ARID1B: variants seen among roughly 807,000 people sequenced by gnomAD.
ARID1B encodes the protein AT-rich interactive domain-containing protein 1B.
A neutral mutation model predicts 212.3 loss-of-function variants in ARID1B; 30 were observed. The observed-to-expected ratio is 0.14, with a 90% CI of 0.11 to 0.19. The LOEUF (loss-of-function observed/expected upper bound fraction) is 0.19, where lower values mean the gene tolerates loss of function less well. ARID1B is among the 10% of genes least tolerant of loss of function. The probability of loss-of-function intolerance (pLI) is 1.00; values close to 1 mark genes in which losing one functional copy is unlikely to be tolerated. For synonymous variants in ARID1B, 1,402 were observed against 1,301.7 expected (o/e 1.08, Z -1.66); for missense variants, 2,891 against 3,204.0 (o/e 0.90, Z 2.36).
At chr6:156,800,081 T>G (rs1227297106) in intron 1 of ARID1B, among the ~76,000 whole-genome samples, 3 of 152,226 alleles carry the variant, frequency 2.0e-5, no homozygotes, top group African/African-American at 7.2e-5. Flanking sequence ...AGCGTATTTC[T>G]TCTTTTGATG....
intron 4 of ARID1B, among the ~76,000 whole-genome samples, chr6:156,982,705 TA>T (rs1777679458): frequency 6.6e-6 from 1 of 152,178 alleles, no homozygotes; most frequent in South Asian, 2.1e-4. Context: ...TTATATTTTT[TA>T]ATTCAAAGTG....
intron 4 of ARID1B, chr6:156,939,213 G>A (rs1481326976): frequency 1.3e-5 from 2 of 152,038 alleles, no homozygotes; most frequent in East Asian, 1.9e-4. Flanking sequence ...TAGCTTTCAC[G>A]ACCTCTAATA....
rs587779744 is a variant in ARID1B at position 156,778,292 on chromosome 6, A to ACAGCAGCAGCAGCAG, written c.621_635dup (p.Gln210_Gln214dup). ...TCCAGCAGCAGCAGCAGCAGCAGCA[A>ACAGCAGCAGCAGCAG]CAGCAGCAGCAGCAGCAGCAGCAAC... On this transcript the variant is annotated inframe_insertion, in exon 1 of 20. Coordinates refer to ENST00000636930, the MANE Select transcript of ARID1B (RefSeq NM_001374828.1). 6.6e-6 allele frequency: 10 copies of ACAGCAGCAGCAGCAG among 1,518,316 alleles called. No homozygotes were observed. The highest frequency in any genetic ancestry group is 2.4e-5 in the South Asian group (2 of 83,290). The allele number at this position is 1,518,316 out of a possible 1,614,324, so 94.1% of individuals were successfully genotyped here. A position where few individuals can be genotyped will look rare whatever the true frequency, so the allele number is the denominator to read the frequency against.
At chr6:156,981,885 G>A (rs534709689) in intron 4 of ARID1B, among the ~76,000 whole-genome samples, 14 of 152,214 alleles carry the variant, frequency 9.2e-5, no homozygotes, top group African/African-American at 2.9e-4. Flanking sequence ...TCTTCATGCG[G>A]TCATACCTGC....
intron 4 of ARID1B, among the ~76,000 whole-genome samples, chr6:156,995,184 G>A (rs955668570): frequency 5.3e-5 from 8 of 152,188 alleles, no homozygotes; most frequent in Non-Finnish European, 1.2e-4. Flanking sequence ...GAAGACAGAC[G>A]GTAGGAAGCC....
chr6:156,898,746 C>T (rs558257616), intron 2 of ARID1B, among the ~76,000 whole-genome samples: 1 of 152,096 alleles, frequency 6.6e-6, no homozygotes, highest in African/African-American at 2.4e-5. Flanking sequence ...CTGAGGTGGG[C>T]GGATCACCTG....
chr6:157,089,985 G>A (rs534868417), intron 5 of ARID1B, among the ~76,000 whole-genome samples: 2 of 152,270 alleles, frequency 1.3e-5, no homozygotes, highest in Non-Finnish European at 2.9e-5. Context: ...TGGGTCTTAC[G>A]CTGGGCCTGA....
chr6:157,159,628 T>C (rs1245568716), intron 8 of ARID1B, among the ~76,000 whole-genome samples: 2 of 152,212 alleles, frequency 1.3e-5, no homozygotes, highest in Non-Finnish European at 2.9e-5. Flanking sequence ...TAGAGGCTTT[T>C]AAGAAATCCA....
At chr6:157,158,939 G>A (rs893513104) in intron 8 of ARID1B, among the ~76,000 whole-genome samples, 5 of 152,186 alleles carry the variant, frequency 3.3e-5, no homozygotes, top group Admixed American at 2.0e-4. Context: ...CTTTCATGCT[G>A]TATGGATCTA....
At chr6:157,039,431 C>T (rs967261390) in intron 4 of ARID1B, among the ~76,000 whole-genome samples, 13 of 148,054 alleles carry the variant, frequency 8.8e-5, no homozygotes, top group South Asian at 4.2e-4. Context: ...CCCGGGTTCA[C>T]GCCATTCTCC....
At chr6:156,794,829 C>T (rs1780248389) in intron 1 of ARID1B, among the ~76,000 whole-genome samples, 1 of 152,116 alleles carries the variant, frequency 6.6e-6, no homozygotes, top group African/African-American at 2.4e-5. Flanking sequence ...GATCCACTCA[C>T]CTTGGTCTCC....
At chr6:156,809,736 G>T (rs1186179479) in intron 1 of ARID1B, among the ~76,000 whole-genome samples, 1 of 129,764 alleles carries the variant, frequency 7.7e-6, no homozygotes, top group Non-Finnish European at 1.7e-5. Flanking sequence ...AAAAAAAAAG[G>T]ACTCCCTTTC....
chr6:156,950,251 T>C (rs747285414), intron 4 of ARID1B, among the ~76,000 whole-genome samples: 3 of 152,234 alleles, frequency 2.0e-5, no homozygotes, highest in Non-Finnish European at 4.4e-5. Context: ...GCAAATCTGC[T>C]TTAGGCAAAC....
intron 1 of ARID1B, among the ~76,000 whole-genome samples, chr6:156,797,461 A>G (rs1780463384): frequency 6.6e-6 from 1 of 152,220 alleles, no homozygotes; most frequent in Non-Finnish European, 1.5e-5. Context: ...GCCATAGGAC[A>G]GTTGTTAAAT....
chr6:157,074,275 A>C (rs1406870201), intron 4 of ARID1B, among the ~76,000 whole-genome samples: 1 of 152,048 alleles, frequency 6.6e-6, no homozygotes, highest in East Asian at 1.9e-4. Context: ...CCCAGGCTGG[A>C]ACTAAGTGGT....
chr6:156,941,184 C>A (rs1027411430), intron 4 of ARID1B: 2 of 152,106 alleles, frequency 1.3e-5, no homozygotes, highest in Non-Finnish European at 2.9e-5. Context: ...TATCAGTATT[C>A]TCAAAATGTT....
At chr6:157,183,079 GT>G (rs1792680568) in intron 12 of ARID1B, among the ~76,000 whole-genome samples, 1 of 152,140 alleles carries the variant, frequency 6.6e-6, no homozygotes, top group Admixed American at 6.5e-5. Flanking sequence ...ATGTAGCTGG[GT>G]TGCATCTTTG....
At chr6:156,914,633 G>T (rs1790198502) in intron 3 of ARID1B, among the ~76,000 whole-genome samples, 1 of 152,116 alleles carries the variant, frequency 6.6e-6, no homozygotes, top group African/African-American at 2.4e-5. Flanking sequence ...GGAGACTTGT[G>T]ACTTTCATAT....
At chr6:157,077,447 G>A (rs1305158242) in intron 4 of ARID1B, among the ~76,000 whole-genome samples, 1 of 152,098 alleles carries the variant, frequency 6.6e-6, no homozygotes, top group Admixed American at 6.5e-5. Context: ...AGGCTCCGGA[G>A]CCTCACCCTC....
Sources: gnomAD v4.1 joint callset for allele counts (sites outside exome capture counted in the v4.1 genomes callset) on GRCh38, gnomAD v4.1.1 for gene constraint, MANE v1.5 for transcripts, NCBI Gene and HGNC (gene_info 2026-07-23, HGNC 2026-07-21) for gene names.